FOXP2: variants seen among roughly 807,000 people sequenced by gnomAD.
The protein encoded by FOXP2 is forkhead box protein P2.
FOXP2 carries 12 observed loss-of-function variants against 115.8 expected under a neutral mutation model. That is an observed-to-expected ratio of 0.10 (90% CI 0.07 to 0.17). The LOEUF is 0.17. Ranked by LOEUF, FOXP2 falls within the 10% of genes least tolerant of loss-of-function variation. The pLI is 1.00. For missense variants in FOXP2, 629 were observed against 843.5 expected (o/e 0.75, Z 3.15); for synonymous variants, 328 against 297.7 (o/e 1.10, Z -1.05).
chr7:114,512,269 G>A (rs1378013372), intron 2 of FOXP2, among the ~76,000 whole-genome samples: 2 of 152,168 alleles, frequency 1.3e-5, no homozygotes, highest in Non-Finnish European at 2.9e-5. Flanking sequence ...TTCACTAACA[G>A]GCAGTCCCTC....
intron 1 of FOXP2, among the ~76,000 whole-genome samples, chr7:114,416,996 G>A (rs1029389026): frequency 6.6e-6 from 1 of 151,728 alleles, no homozygotes; most frequent in African/African-American, 2.4e-5. Flanking sequence ...AATAATCTTT[G>A]TAAAAGGTGG....
upstream of FOXP2, among the ~76,000 whole-genome samples, chr7:114,413,473 G>T (rs1793217163): frequency 6.6e-6 from 1 of 151,454 alleles, no homozygotes; most frequent in African/African-American, 2.4e-5. Flanking sequence ...TTAAATTTTG[G>T]TTTAAAAAAA....
At chr7:114,092,723 C>T (rs1445996653) in intron 1 of FOXP2, among the ~76,000 whole-genome samples, 1 of 151,888 alleles carries the variant, frequency 6.6e-6, no homozygotes, top group Non-Finnish European at 1.5e-5. Context: ...AAAAAAAGAT[C>T]CCCAACATCT....
In FOXP2 at chr7:114,095,455, G is replaced by GT. The variant is rs561531757; in HGVS notation, c.-247+7628dup. On this transcript the variant is annotated intron_variant, in intron 1 of 19. Coordinates refer to the FOXP2 transcript ENST00000635638. The stretch of plus-strand genomic sequence containing the variant: ...AAGGGCTGAGTTAAATTTTTAAAGG[G>GT]TTTTTTTTTTTCAGCTGTCTTATCC... 5.0e-3 allele frequency among the ~76,000 whole-genome samples: 729 copies of GT among 146,330 alleles called. 7 individuals carry two copies. Among genetic ancestry groups the GT allele is most frequent in the African/African-American group, 0.016 (646 of 40,380 alleles).
intron 2 of FOXP2, among the ~76,000 whole-genome samples, chr7:114,502,403 A>C (rs1797605281): frequency 6.6e-6 from 1 of 152,148 alleles, no homozygotes; most frequent in Non-Finnish European, 1.5e-5. Context: ...TTTGTTCTCC[A>C]ACAGAGCTGC....
intron 3 of FOXP2, among the ~76,000 whole-genome samples, chr7:114,537,877 A>G (rs1488973696): frequency 6.6e-6 from 1 of 151,690 alleles, no homozygotes; most frequent in Non-Finnish European, 1.5e-5. Flanking sequence ...AAAGATTGTG[A>G]TGCAAATGGG....
intron 2 of FOXP2, among the ~76,000 whole-genome samples, chr7:114,510,166 A>T (rs17137067): frequency 0.014 from 2,166 of 152,280 alleles, 29 homozygotes; most frequent in Middle Eastern, 0.054. Context: ...GAACTTTCAC[A>T]TTTAAAGTAA....
chr7:114,383,414 AG>A (rs972346765), intron 2 of FOXP2, among the ~76,000 whole-genome samples: 1 of 152,014 alleles, frequency 6.6e-6, no homozygotes, highest in Non-Finnish European at 1.5e-5. Context: ...TTTGGGTTGA[AG>A]GGGGGTCCTT....
chr7:114,473,757 A>G (rs1195363033), intron 2 of FOXP2, among the ~76,000 whole-genome samples: 2 of 152,128 alleles, frequency 1.3e-5, no homozygotes, highest in Non-Finnish European at 1.5e-5. Context: ...TTCTGATACC[A>G]TCTCAGCCAG....
At chr7:114,642,681 T>C in intron 7 of FOXP2, 58 bp downstream of exon 7, 2 of 1,496,994 alleles carry the variant, frequency 1.3e-6, no homozygotes, top group Non-Finnish European at 1.8e-6. Flanking sequence ...TTTTCACCAT[T>C]GAGACAATGA....
chr7:114,321,294 G>T (rs1156783574), intron 2 of FOXP2, among the ~76,000 whole-genome samples: 1 of 151,888 alleles, frequency 6.6e-6, no homozygotes, highest in African/African-American at 2.4e-5. Flanking sequence ...TGCCTCCTGG[G>T]TTCACGCCAT....
At chr7:114,213,429 T>C (rs1308253616) in intron 1 of FOXP2, among the ~76,000 whole-genome samples, 2 of 152,230 alleles carry the variant, frequency 1.3e-5, no homozygotes, top group African/African-American at 4.8e-5. Context: ...TCAACAGATA[T>C]AAAGTTTGTT....
intron 2 of FOXP2, among the ~76,000 whole-genome samples, chr7:114,440,081 A>G (rs1317744432): frequency 6.6e-6 from 1 of 152,186 alleles, no homozygotes; most frequent in African/African-American, 2.4e-5. Flanking sequence ...ATACATTAAT[A>G]TAATGGTTAG....
chr7:114,683,578 G>A (rs190315441), intron 16 of FOXP2, among the ~76,000 whole-genome samples: 8 of 152,290 alleles, frequency 5.3e-5, no homozygotes, highest in Admixed American at 2.0e-4. Context: ...TGCTTTGAAG[G>A]TTCAGAGTAG....
intron 2 of FOXP2, among the ~76,000 whole-genome samples, chr7:114,352,347 C>T (rs1158467909): frequency 1.3e-5 from 2 of 152,040 alleles, no homozygotes; most frequent in Non-Finnish European, 2.9e-5. Flanking sequence ...TACTTTGGGC[C>T]TCAAAACGAT....
At chr7:114,393,549 C>T (rs553752768) in intron 2 of FOXP2, among the ~76,000 whole-genome samples, 50 of 152,028 alleles carry the variant, frequency 3.3e-4, no homozygotes, top group African/African-American at 1.1e-3. Flanking sequence ...CTGAAGGGGG[C>T]GTCCTTATGG....
intron 2 of FOXP2, among the ~76,000 whole-genome samples, chr7:114,356,090 G>C (rs144742328): frequency 6.6e-6 from 1 of 151,998 alleles, no homozygotes; most frequent in East Asian, 1.9e-4. Flanking sequence ...AATTCCACAG[G>C]ACTAAATGGC....
intron 2 of FOXP2, among the ~76,000 whole-genome samples, chr7:114,326,149 C>T (rs557074886): frequency 1.3e-5 from 2 of 152,198 alleles, no homozygotes; most frequent in African/African-American, 4.8e-5. Context: ...GCCTGAGTAA[C>T]AGATGCTCTG....
intron 2 of FOXP2, among the ~76,000 whole-genome samples, chr7:114,533,620 A>C (rs909149581): frequency 3.3e-5 from 5 of 151,930 alleles, no homozygotes; most frequent in African/African-American, 1.2e-4. Context: ...TGTATTCAAA[A>C]ACAGTAAATA....
Sources: gnomAD v4.1 joint callset for allele counts (sites outside exome capture counted in the v4.1 genomes callset) on GRCh38, gnomAD v4.1.1 for gene constraint, MANE v1.5 for transcripts, NCBI Gene and HGNC (gene_info 2026-07-23, HGNC 2026-07-21) for gene names.